The following GRIK4 variants were observed in gnomAD, a reference collection of about 807,000 sequenced individuals.
GRIK4 encodes glutamate receptor ionotropic, kainate 4.
In GRIK4, 40 loss-of-function variants were observed where a neutral mutation model predicts 104.9. The ratio of observed to expected loss-of-function variants is 0.38; its 90% CI spans 0.30 to 0.50. The LOEUF is 0.50. GRIK4 is among the 20% of genes least tolerant of loss of function. The pLI, the probability that GRIK4 is intolerant of heterozygous loss-of-function variation, is 0.93. For missense variants in GRIK4, 1,047 were observed against 1,308.1 expected, an observed-to-expected ratio of 0.80 and a Z score of 3.08; for synonymous variants, 485 against 524.9, an observed-to-expected ratio of 0.92 and a Z score of 1.04.
intron 1 of GRIK4, among the ~76,000 whole-genome samples, chr11:120,619,701 C>CTCT (rs1949161464): frequency 6.6e-6 from 1 of 152,162 alleles, no homozygotes; most frequent in Non-Finnish European, 1.5e-5. Context: ...ACCTCCCCTA[C>CTCT]TCTTCCTCTT....
At chr11:120,642,869 A>G (rs1053670867) in intron 1 of GRIK4, among the ~76,000 whole-genome samples, 2 of 152,200 alleles carry the variant, frequency 1.3e-5, no homozygotes, top group Non-Finnish European at 2.9e-5. Context: ...ATAACATTCA[A>G]TAGGGAGGCA....
intron 13 of GRIK4, among the ~76,000 whole-genome samples, chr11:120,915,562 C>A (rs911852195): frequency 3.3e-5 from 5 of 152,134 alleles, no homozygotes; most frequent in Admixed American, 6.5e-5. Flanking sequence ...GCCAACCGTG[C>A]GAGCCCAGCC....
intron 3 of GRIK4, among the ~76,000 whole-genome samples, chr11:120,736,160 G>C (rs1450811201): frequency 9.2e-5 from 14 of 152,228 alleles, no homozygotes; most frequent in African/African-American, 3.4e-4. Context: ...GATGAGTCCT[G>C]CCAGGACTGG....
At chr11:120,793,478 G>C (rs1235856403) in intron 3 of GRIK4, among the ~76,000 whole-genome samples, 1 of 152,114 alleles carries the variant, frequency 6.6e-6, no homozygotes, top group Non-Finnish European at 1.5e-5. Context: ...GGGTTGTCTG[G>C]AGCCCTCGTT....
At position 120,879,828 on chromosome 11, in the gene GRIK4, G is replaced by A. The variant is rs549239357; in HGVS notation, c.1164+4585G>A. ...CTCCCTTTTCATGACACGGAAGATG[G>A]CCTGGACAGTATTAGGAAAGTATAG... On this transcript the variant is annotated intron_variant, in intron 11 of 20. Transcript: ENST00000527524. Among the ~76,000 whole-genome samples, 4 of 152,336 alleles carry A rather than the reference G, an allele frequency of 2.6e-5. No homozygotes were observed. In the South Asian group the frequency reaches 8.3e-4, roughly 32 times the overall value.
chr11:120,835,113 C>T (rs1419405681), intron 7 of GRIK4, among the ~76,000 whole-genome samples: 19 of 152,226 alleles, frequency 1.2e-4, no homozygotes, highest in African/African-American at 4.6e-4. Context: ...TTTGAGCTCC[C>T]TTGTGCCCTG....
At chr11:120,920,449 T>A (rs527273259) in intron 13 of GRIK4, among the ~76,000 whole-genome samples, 23 of 152,096 alleles carry the variant, frequency 1.5e-4, no homozygotes, top group Admixed American at 5.2e-4. Context: ...CAGGCCCCAG[T>A]CTTCCCTCTC....
intron 3 of GRIK4, among the ~76,000 whole-genome samples, chr11:120,701,029 G>A (rs1342755484): frequency 6.6e-6 from 1 of 152,108 alleles, no homozygotes; most frequent in Admixed American, 6.5e-5. Flanking sequence ...GGAGCAATAC[G>A]CTGTTTCATG....
intron 3 of GRIK4, among the ~76,000 whole-genome samples, chr11:120,774,998 T>C (rs1036649874): frequency 2.0e-5 from 3 of 152,180 alleles, no homozygotes; most frequent in African/African-American, 7.2e-5. Context: ...TGTGTGTGTG[T>C]GGTGTCAGAT....
intron 2 of GRIK4, among the ~76,000 whole-genome samples, chr11:120,658,976 C>T (rs1352769593): frequency 6.6e-6 from 1 of 152,060 alleles, no homozygotes; most frequent in Non-Finnish European, 1.5e-5. Context: ...TCTTGATCTT[C>T]TGACTTCGTG....
intron 12 of GRIK4, 142 bp downstream of exon 12, chr11:120,898,781 C>G: frequency 3.2e-6 from 2 of 626,796 alleles, no homozygotes; most frequent in Non-Finnish European, 2.9e-6. Context: ...TAATTACACT[C>G]AAGTTGCTGT....
chr11:120,802,432 C>G (rs1024072595), intron 3 of GRIK4, among the ~76,000 whole-genome samples: 13 of 152,198 alleles, frequency 8.5e-5, no homozygotes, highest in African/African-American at 3.1e-4. Flanking sequence ...GCAGACAGGA[C>G]CCCTAGTGGC....
chr11:120,955,714 C>T (rs925158643), intron 15 of GRIK4, among the ~76,000 whole-genome samples: 4 of 152,242 alleles, frequency 2.6e-5, no homozygotes, highest in African/African-American at 9.6e-5. Context: ...GCGTGCATTA[C>T]ACTCACTGGG....
At chr11:120,849,257 A>G (rs1953923158) in intron 8 of GRIK4, among the ~76,000 whole-genome samples, 1 of 152,174 alleles carries the variant, frequency 6.6e-6, no homozygotes, top group South Asian at 2.1e-4. Context: ...TGAAATAAGA[A>G]CAAGACCCTG....
intron 5 of GRIK4, among the ~76,000 whole-genome samples, chr11:120,818,988 G>T (rs981988614): frequency 1.3e-5 from 2 of 152,202 alleles, no homozygotes; most frequent in African/African-American, 4.8e-5. Context: ...CAATAAAGCA[G>T]CCATCACAGC....
chr11:120,830,166 C>T (rs999829919), intron 6 of GRIK4, among the ~76,000 whole-genome samples: 16 of 150,852 alleles, frequency 1.1e-4, no homozygotes, highest in African/African-American at 2.4e-5. Flanking sequence ...TCCAACTCCA[C>T]TACCCTCTCC....
chr11:120,786,296 C>T (rs1371991865), intron 3 of GRIK4, among the ~76,000 whole-genome samples: 3 of 149,156 alleles, frequency 2.0e-5, no homozygotes, highest in African/African-American at 7.3e-5. Context: ...ATGTCCAAAT[C>T]CCATGGTCTG....
chr11:120,515,185 C>T (rs1036748030), intron 1 of GRIK4, among the ~76,000 whole-genome samples: 4 of 152,176 alleles, frequency 2.6e-5, no homozygotes, highest in South Asian at 2.1e-4. Flanking sequence ...TGCATTTCCT[C>T]CTCTTTTCCT....
chr11:120,831,609 T>A (rs948146083), intron 6 of GRIK4, among the ~76,000 whole-genome samples: 1 of 152,102 alleles, frequency 6.6e-6, no homozygotes, highest in Non-Finnish European at 1.5e-5. Context: ...AAAAGAACGT[T>A]CTCGAGGGAG....
Sources: allele counts gnomAD v4.1 joint callset (sites outside exome capture counted in the v4.1 genomes callset), GRCh38; gene constraint gnomAD v4.1.1; transcripts MANE v1.5; gene names NCBI Gene and HGNC (gene_info 2026-07-23, HGNC 2026-07-21).